Variants in PIEZO2 observed in about 807,000 individuals in gnomAD.
The protein encoded by PIEZO2 is piezo type mechanosensitive ion channel component 2, also known as piezo-type mechanosensitive ion channel component 2.
PIEZO2 carries 172 observed loss-of-function variants against 337.3 expected under a neutral mutation model. The observed-to-expected ratio is 0.51, with a 90% CI of 0.45 to 0.58. PIEZO2 has a LOEUF of 0.58. Among genes scored for constraint, PIEZO2 ranks in the 20% least tolerant of loss-of-function variants. The pLI is 0.00. For synonymous variants in PIEZO2, 1,251 were observed against 1,228.5 expected, an observed-to-expected ratio of 1.02 and a Z score of -0.38; for missense variants, 3,028 against 3,391.3, an observed-to-expected ratio of 0.89 and a Z score of 2.66.
chr18:10,842,919 G>T (rs1348865151), intron 7 of PIEZO2, among the ~76,000 whole-genome samples: 1 of 152,214 alleles, frequency 6.6e-6, no homozygotes. Context: ...AGCAAATTCT[G>T]TAGGGAAAAT....
chr18:10,703,348 A>G lies in PIEZO2; in HGVS notation c.6258+1046T>C, dbSNP rs77283334. On this transcript the variant is annotated intron_variant, in intron 42 of 55. Transcript: ENST00000674853. ...TAAAGTTTAGGGATGATTAACTTGGATTGGCCAATTCAAGCAATAGATATA... is the reference window on the plus strand; with the variant it reads ...TAAAGTTTAGGGATGATTAACTTGGGTTGGCCAATTCAAGCAATAGATATA... 8.0e-3 allele frequency among the ~76,000 whole-genome samples: 1,212 copies of G among 152,320 alleles called. 18 individuals carry two copies. Among genetic ancestry groups the G allele is most frequent in the African/African-American group, 0.027 (1,138 of 41,566 alleles).
intron 27 of PIEZO2, among the ~76,000 whole-genome samples, chr18:10,756,665 G>C (rs1424516239): frequency 6.8e-6 from 1 of 146,766 alleles, no homozygotes; most frequent in Admixed American, 6.8e-5. Context: ...TGAGCTATGA[G>C]GATGAGGAGG....
chr18:10,804,092 G>A (rs1001956271), intron 8 of PIEZO2, 98 bp from the exon 9 acceptor site: 7 of 1,387,916 alleles, frequency 5.0e-6, no homozygotes, highest in East Asian at 5.1e-5. Flanking sequence ...TCAGTATGAT[G>A]ACTTTTCAAA....
chr18:11,069,977 TG>T lies in PIEZO2; in HGVS notation c.65-3756del, dbSNP rs2038280395. Among the ~76,000 whole-genome samples the T allele has an allele frequency of 1.3e-5, 2 of 152,228 alleles. No individual in the cohort carries two copies. The highest frequency in any genetic ancestry group is 4.2e-4 in the South Asian group (2 of 4,810). ...ACCAAGGAGGTGAAAGACCTATAAATGGAAGAATATAAAACATTGATAATAG... is the reference window on the plus strand; with the variant it reads ...ACCAAGGAGGTGAAAGACCTATAAATGAAGAATATAAAACATTGATAATAG... On this transcript the variant is annotated intron_variant, in intron 1 of 55. Coordinates refer to ENST00000674853, the MANE Select transcript of PIEZO2 (RefSeq NM_001378183.1). This position sits in a 1 kb window ranked among gnomAD's most constrained non-coding sequence, Gnocchi z 4.9.
At chr18:10,806,225 C>T (rs1168619738) in intron 8 of PIEZO2, among the ~76,000 whole-genome samples, 2 of 152,162 alleles carry the variant, frequency 1.3e-5, no homozygotes, top group African/African-American at 4.8e-5. Flanking sequence ...CTGGGCCATG[C>T]TCATGAGAAC....
At chr18:11,013,196 G>A (rs185715895) in intron 2 of PIEZO2, among the ~76,000 whole-genome samples, 2 of 152,296 alleles carry the variant, frequency 1.3e-5, no homozygotes, top group Admixed American at 1.3e-4. Context: ...AGAGATGATT[G>A]TGGACTACCG....
chr18:10,922,457 C>T (rs771075695), intron 3 of PIEZO2, among the ~76,000 whole-genome samples: 1 of 152,056 alleles, frequency 6.6e-6, no homozygotes, highest in Admixed American at 6.6e-5. Flanking sequence ...GACAAGGTGG[C>T]CCTTTAGTGC....
At chr18:11,074,594 T>C (rs1197267273) in intron 1 of PIEZO2, among the ~76,000 whole-genome samples, 1 of 152,224 alleles carries the variant, frequency 6.6e-6, no homozygotes, top group Admixed American at 6.5e-5. Flanking sequence ...CACTTGGACT[T>C]GCCTCATTCA....
chr18:11,056,565 A>C (rs529864585), intron 2 of PIEZO2, among the ~76,000 whole-genome samples: 1 of 152,244 alleles, frequency 6.6e-6, no homozygotes, highest in South Asian at 2.1e-4. Flanking sequence ...TGAAAAGAGA[A>C]CATTAAATAG....
At chr18:10,723,692 G>C (rs368414900) in intron 36 of PIEZO2, among the ~76,000 whole-genome samples, 2 of 152,164 alleles carry the variant, frequency 1.3e-5, no homozygotes, top group Non-Finnish European at 1.5e-5. Flanking sequence ...TCTCTGGGGG[G>C]AGACGGGATT....
rs200997143 is a variant in PIEZO2, at chr18:10,781,315, GA to G, written c.2493-950del. Among the ~76,000 whole-genome samples the G allele has an allele frequency of 0.013, 2,010 of 151,852 alleles. 42 individuals carry two copies. The highest frequency in any genetic ancestry group is 0.045 in the African/African-American group (1,844 of 41,428). On this transcript the variant is annotated intron_variant, in intron 17 of 55. Transcript: ENST00000674853. The surrounding 1 kb of genome is among the most constrained non-coding windows in gnomAD (Gnocchi z 4.1). The stretch of plus-strand genomic sequence containing the variant: ...GAAACCCCCGTCTCTATTAAAAATA[GA>G]AAAATTAGCCAGGCATGGTGGCACA...
At position 10,784,718 on chromosome 18, in the gene PIEZO2, C is replaced by A. The variant is rs917259834; in HGVS notation, c.2492+66G>T. ...TACTGGCTTCTCGCAAGGTGGCCAA[C>A]CTAAGGTAGGGTTGAAGAGCTGCCT... On this transcript the variant is annotated intron_variant, in intron 17 of 55. Coordinates refer to ENST00000674853, the MANE Select transcript of PIEZO2 (RefSeq NM_001378183.1). The surrounding 1 kb of genome is among the most constrained non-coding windows in gnomAD (Gnocchi z 4.5). The A allele has an allele frequency of 6.0e-6, 8 of 1,332,470 alleles. No individual in the cohort carries two copies. The highest frequency in any genetic ancestry group is 2.2e-4 in the Middle Eastern group (1 of 4,554). 82.5% of individuals were successfully genotyped at this position (1,332,470 alleles called of 1,614,324 possible). A position where few individuals can be genotyped will look rare whatever the true frequency, so the allele number is the denominator to read the frequency against.
intron 1 of PIEZO2, among the ~76,000 whole-genome samples, chr18:11,141,492 G>A (rs1484081756): frequency 1.3e-5 from 2 of 152,152 alleles, no homozygotes; most frequent in Non-Finnish European, 2.9e-5. Context: ...TGCATGCTGC[G>A]GGGCGCACAG....
At chr18:10,937,911 A>G (rs531658213) in intron 3 of PIEZO2, among the ~76,000 whole-genome samples, 2 of 152,346 alleles carry the variant, frequency 1.3e-5, no homozygotes, top group Non-Finnish European at 2.9e-5. Flanking sequence ...AACTGCTATA[A>G]TTCAACCAGT....
rs918430641 is a variant in PIEZO2 at position 11,033,321 on chromosome 18, G to C, written c.160+32806C>G. ...CTGGCTGTAGACACTAGACCACCAG[G>C]ACTTAGGGCAGGACTCCAGCCAGAG... On this transcript the variant is annotated intron_variant, in intron 2 of 55. Transcript: ENST00000674853. The surrounding 1 kb of genome is among the most constrained non-coding windows in gnomAD (Gnocchi z 4.2). Among the ~76,000 whole-genome samples, 1 of 152,194 alleles carries C rather than the reference G, an allele frequency of 6.6e-6. No individual in the cohort carries two copies. The highest frequency in any genetic ancestry group is 1.5e-5 in the Non-Finnish European group (1 of 68,028).
intron 21 of PIEZO2, among the ~76,000 whole-genome samples, chr18:10,769,002 A>T (rs896515792): frequency 1.3e-5 from 2 of 152,166 alleles, no homozygotes; most frequent in African/African-American, 4.8e-5. Flanking sequence ...GCAGCTTCTC[A>T]TGAATCAGAA....
Position 10,807,143 on chromosome 18 carries a change from G to C in PIEZO2, c.1049C>G (p.Thr350Ser). 6 of 1,537,096 alleles carry C rather than the reference G, an allele frequency of 3.9e-6. No homozygotes were observed. The highest frequency in any genetic ancestry group is 5.2e-6 in the Non-Finnish European group (6 of 1,146,822). The change falls in exon 8 of 56, where the codon ACT becomes AGT. Residue 350 changes from threonine to serine, a missense_variant. Physicochemically the swap from Thr to Ser is moderately conservative, Grantham distance 58. This residue lies in a region of PIEZO2 where 542 missense variants were observed against 605.6 expected (regional missense o/e 0.89). Transcript: ENST00000674853. ...CTCTTGCAGCCAGATGCGGATCAGA[G>C]TGGCCAGAGTGTAGTACATCACCAG... Reference protein sequence around the residue: ...LLLVMYYTLATLIRIWLQEPL... With the variant: ...LLLVMYYTLASLIRIWLQEPL...
chr18:11,045,274 C>T lies in PIEZO2; in HGVS notation c.160+20853G>A, dbSNP rs962340375. ...TCGCGCCACTGCACTCCAGCCTGGG[C>T]GACAGAGTGAGACTCCGTCTCAAAA... On this transcript the variant is annotated intron_variant, in intron 2 of 55. Transcript: ENST00000674853. Among the ~76,000 whole-genome samples, 11 of 112,576 alleles carry T rather than the reference C, an allele frequency of 9.8e-5. No homozygotes were observed. The East Asian group carries it at 2.2e-3, about 23-fold the overall frequency. The allele number at this position is 112,576 out of a possible 152,430, so 73.9% of individuals were successfully genotyped here.
At chr18:10,927,300 CGAG>C (rs1473315727) in intron 3 of PIEZO2, among the ~76,000 whole-genome samples, 1 of 152,062 alleles carries the variant, frequency 6.6e-6, no homozygotes, top group East Asian at 1.9e-4. Context: ...GCAAAGCCTC[CGAG>C]GAGGACTCTG....
Sources: allele counts gnomAD v4.1 joint callset (sites outside exome capture counted in the v4.1 genomes callset), GRCh38; gene constraint gnomAD v4.1.1; regional missense constraint gnomAD v4.1.1; non-coding constraint Gnocchi (gnomAD v3.1); transcripts MANE v1.5; gene names NCBI Gene and HGNC (gene_info 2026-07-23, HGNC 2026-07-21).